The following PTPA variants were observed in gnomAD, a reference collection of about 807,000 sequenced individuals.
The protein encoded by PTPA is serine/threonine-protein phosphatase 2A activator.
Under a neutral mutation model 43.6 loss-of-function variants are expected in PTPA, and 13 were observed. That is an observed-to-expected ratio of 0.30 (90% confidence interval 0.19 to 0.47). PTPA has a LOEUF of 0.47. PTPA is among the 20% of genes least tolerant of loss of function. The pLI is 0.99. For missense variants in PTPA, 329 were observed against 411.9 expected, an observed-to-expected ratio of 0.80 and a Z score of 1.74; for synonymous variants, 172 against 158.2, an observed-to-expected ratio of 1.09 and a Z score of -0.66.
At chr9:129,134,702 G>A in intron 5 of PTPA, 93 bp from the exon 6 acceptor site, 1 of 990,382 alleles carries the variant, frequency 1.0e-6, no homozygotes, top group Non-Finnish European at 1.5e-6. Flanking sequence ...CTCCTCAGAG[G>A]GGCACTTATC....
intron 3 of PTPA, among the ~76,000 whole-genome samples, chr9:129,127,670 C>T (rs555900383): frequency 3.9e-5 from 6 of 152,262 alleles, no homozygotes; most frequent in South Asian, 2.1e-4. Context: ...CAATGCTGCC[C>T]GCACCTCTGA....
intron 2 of PTPA, 118 bp from the exon 3 acceptor site, chr9:129,122,934 A>G: frequency 1.4e-6 from 1 of 717,080 alleles, no homozygotes; most frequent in South Asian, 1.6e-5. Flanking sequence ...GTTGGGAGTC[A>G]GGGTCAGGAG....
At chr9:129,134,997 A>G in intron 6 of PTPA, 103 bp downstream of exon 6, 1 of 939,918 alleles carries the variant, frequency 1.1e-6, no homozygotes, top group Admixed American at 2.2e-5. Flanking sequence ...TGAGTAGCTC[A>G]TGGTTCTCTT....
intron 9 of PTPA, among the ~76,000 whole-genome samples, chr9:129,146,245 C>G (rs1295778095): frequency 6.6e-6 from 1 of 152,200 alleles, no homozygotes; most frequent in Non-Finnish European, 1.5e-5. Flanking sequence ...CATTCTGTGT[C>G]TCAGGCCCAG....
intron 8 of PTPA, among the ~76,000 whole-genome samples, chr9:129,140,765 C>T (rs1035952265): frequency 9.5e-6 from 1 of 105,576 alleles, no homozygotes; most frequent in Admixed American, 1.4e-4. Context: ...GTGCACAGGG[C>T]TGGAGCCTGC....
At chr9:129,132,777 C>T (rs1264323599) in intron 5 of PTPA, among the ~76,000 whole-genome samples, 3 of 152,162 alleles carry the variant, frequency 2.0e-5, no homozygotes, top group East Asian at 3.9e-4. Context: ...GGATTACAGG[C>T]GTGAGCCACT....
intron 3 of PTPA, among the ~76,000 whole-genome samples, chr9:129,126,341 C>A (rs1047991732): frequency 1.3e-5 from 2 of 151,746 alleles, no homozygotes; most frequent in Non-Finnish European, 2.9e-5. Flanking sequence ...CCACCATGTC[C>A]ATCTGATTTT....
In PTPA at chr9:129,137,703, G is replaced by A; in HGVS notation, c.786+11G>A. ...CTGTTTATTACCGAGGTGAGGAGGA[G>A]GGGTGAGAGAGAAGCCCATGGCTGC... On this transcript the variant is annotated intron_variant, in intron 8 of 9. Transcript: ENST00000393370. The A allele has an allele frequency of 6.3e-7, 1 of 1,581,718 alleles. No homozygotes were observed. The highest frequency in any genetic ancestry group is 8.6e-7 in the Non-Finnish European group (1 of 1,157,846).
chr9:129,129,330 G>A (rs1849794486), intron 4 of PTPA, among the ~76,000 whole-genome samples: 1 of 152,120 alleles, frequency 6.6e-6, no homozygotes, highest in Non-Finnish European at 1.5e-5. Context: ...TGCACTACAA[G>A]GCTGTTTATT....
At chr9:129,118,813 CTTT>C (rs10712319) in intron 1 of PTPA, among the ~76,000 whole-genome samples, 5 of 140,588 alleles carry the variant, frequency 3.6e-5, no homozygotes, top group African/African-American at 2.6e-5. Context: ...CTATGCCCAG[CTTT>C]TTTTTTTTTT....
At chr9:129,144,459 C>G (rs1300668765) in intron 9 of PTPA, among the ~76,000 whole-genome samples, 1 of 152,106 alleles carries the variant, frequency 6.6e-6, no homozygotes, top group African/African-American at 2.4e-5. Context: ...CCAAGTCAGG[C>G]CGGGCGTGGT....
intron 9 of PTPA, among the ~76,000 whole-genome samples, chr9:129,145,187 C>T (rs1247699282): frequency 3.3e-5 from 5 of 151,992 alleles, no homozygotes; most frequent in African/African-American, 9.7e-5. Flanking sequence ...AAAAATTAGC[C>T]TGGCATCGTG....
chr9:129,114,028 T>A (rs1848711679), intron 1 of PTPA, among the ~76,000 whole-genome samples: 1 of 152,110 alleles, frequency 6.6e-6, no homozygotes, highest in Admixed American at 6.6e-5. Context: ...AAAGAACTTC[T>A]TCTTTTTAGT....
chr9:129,125,057 C>T (rs1849488778), intron 3 of PTPA, among the ~76,000 whole-genome samples: 1 of 152,108 alleles, frequency 6.6e-6, no homozygotes, highest in South Asian at 2.1e-4. Context: ...GGGACTGAGG[C>T]TCTGGGTGCA....
intron 7 of PTPA, among the ~76,000 whole-genome samples, chr9:129,137,355 T>C (rs1339471791): frequency 1.3e-5 from 2 of 152,248 alleles, no homozygotes; most frequent in African/African-American, 4.8e-5. Context: ...TTGTCCCCAG[T>C]GTCCAGGTGA....
At chr9:129,143,376 C>T (rs1187057387) in intron 9 of PTPA, 1 of 703,124 alleles carries the variant, frequency 1.4e-6, no homozygotes, top group Non-Finnish European at 2.6e-6. Flanking sequence ...TGTTCTCAGG[C>T]TGGCCCTTGT....
chr9:129,137,610 C>T lies in PTPA; in HGVS notation c.704C>T (p.Pro235Leu). 1 of 1,612,550 alleles carries T rather than the reference C, an allele frequency of 6.2e-7. No homozygotes were observed. Among genetic ancestry groups the T allele is most frequent in the Non-Finnish European group, 8.5e-7 (1 of 1,179,352 alleles). The change falls in exon 8 of 10, where the codon CCC (proline) becomes CTC (leucine). Residue 235 changes from proline to leucine, a missense_variant. Physicochemically the swap from Pro to Leu is moderately conservative, Grantham distance 98. Transcript: ENST00000393370. ...TTCCCAGACCACCCATACCTGGAGC[C>T]CAGACACTTTGTGGATGAGAAGGCC... Reference protein sequence around the residue: ...SQLIDHPYLEPRHFVDEKAVN... With the variant: ...SQLIDHPYLELRHFVDEKAVN...
At chr9:129,116,399 T>C (rs1467065651) in intron 1 of PTPA, among the ~76,000 whole-genome samples, 1 of 149,862 alleles carries the variant, frequency 6.7e-6, no homozygotes, top group Non-Finnish European at 1.5e-5. Flanking sequence ...TTTTTTTTTT[T>C]TTTTTGAGAC....
At chr9:129,135,693 C>A (rs140503670) in intron 6 of PTPA, among the ~76,000 whole-genome samples, 1 of 152,386 alleles carries the variant, frequency 6.6e-6, no homozygotes, top group Non-Finnish European at 1.5e-5. Flanking sequence ...TTAAAATCCC[C>A]ATTGCGGGCC....
Sources: allele counts gnomAD v4.1 joint callset (sites outside exome capture counted in the v4.1 genomes callset), GRCh38; gene constraint gnomAD v4.1.1; transcripts MANE v1.5; gene names NCBI Gene and HGNC (gene_info 2026-07-23, HGNC 2026-07-21).